ARMC2: variants seen among roughly 807,000 people sequenced by gnomAD.
The protein encoded by ARMC2 is armadillo repeat containing 2, also known as armadillo repeat-containing protein 2.
ARMC2 carries 67 observed loss-of-function variants against 90.3 expected under a neutral mutation model. That is an observed-to-expected ratio of 0.74 (90% CI 0.61 to 0.91). The LOEUF (loss-of-function observed/expected upper bound fraction) is 0.91, where lower values mean the gene tolerates loss of function less well. Among genes scored for constraint, ARMC2 ranks in the 40% least tolerant of loss-of-function variants. ARMC2 has a pLI of 0.00. For missense variants in ARMC2, 920 were observed against 1,030.9 expected, an observed-to-expected ratio of 0.89 and a Z score of 1.47; for synonymous variants, 393 against 393.0, an observed-to-expected ratio of 1.00 and a Z score of 0.00.
At chr6:109,000,408 T>G in the ARMC2 span, 1 of 1,101,430 alleles carries the variant, frequency 9.1e-7, no homozygotes. Context: ...CTCTCTGTAC[T>G]TTCTGTGCGA....
At chr6:108,938,180 A>G (rs753918121) in intron 12 of ARMC2, among the ~76,000 whole-genome samples, 3 of 152,154 alleles carry the variant, frequency 2.0e-5, no homozygotes, top group Non-Finnish European at 2.9e-5. Flanking sequence ...TTGCGAGTTT[A>G]TGGACCAAAT....
chr6:108,873,729 G>A (rs1776665005), intron 4 of ARMC2, among the ~76,000 whole-genome samples: 1 of 152,124 alleles, frequency 6.6e-6, no homozygotes, highest in Non-Finnish European at 1.5e-5. Flanking sequence ...TTTTCTTCAA[G>A]CTGTTTACGT....
intron 13 of ARMC2, among the ~76,000 whole-genome samples, chr6:108,956,005 G>T (rs1777553680): frequency 6.6e-6 from 1 of 152,082 alleles, no homozygotes; most frequent in African/African-American, 2.4e-5. Context: ...TGCCTCCTTT[G>T]CCCCCAGGTG....
chr6:108,976,066 A>G (rs996307713), downstream of ARMC2, among the ~76,000 whole-genome samples: 9 of 152,144 alleles, frequency 5.9e-5, no homozygotes, highest in Non-Finnish European at 8.8e-5. Context: ...TTAGTCATGA[A>G]GTCTTTGCCC....
chr6:108,886,802 G>T (rs117028986), intron 5 of ARMC2, among the ~76,000 whole-genome samples: 1 of 152,156 alleles, frequency 6.6e-6, no homozygotes, highest in Non-Finnish European at 1.5e-5. Flanking sequence ...TAGGGAAAAA[G>T]CTTGCTGACC....
the ARMC2 span, among the ~76,000 whole-genome samples, chr6:109,015,777 C>A: frequency 5.8e-3 from 888 of 152,172 alleles, 7 homozygotes; most frequent in African/African-American, 0.02. Context: ...AAAAAGGCAA[C>A]AAAAGATACT....
chr6:108,938,989 TG>T (rs1289217394), intron 12 of ARMC2, among the ~76,000 whole-genome samples: 3 of 152,142 alleles, frequency 2.0e-5, no homozygotes, highest in Non-Finnish European at 2.9e-5. Flanking sequence ...AGTTTTTTTT[TG>T]TTTTTTAAAA....
intron 4 of ARMC2, among the ~76,000 whole-genome samples, 198 bp downstream of exon 4, chr6:108,869,193 T>C (rs1776134429): frequency 1.3e-5 from 2 of 152,210 alleles, no homozygotes; most frequent in Non-Finnish European, 2.9e-5. Flanking sequence ...ACCTAAATAT[T>C]ACAGTTGGTA....
the ARMC2 span, among the ~76,000 whole-genome samples, chr6:109,052,344 G>A: frequency 6.6e-6 from 1 of 152,076 alleles, no homozygotes; most frequent in Non-Finnish European, 1.5e-5. Flanking sequence ...TACTGTAAAA[G>A]TGAAGACTAT....
chr6:108,935,710 T>C (rs1233685796), intron 11 of ARMC2, among the ~76,000 whole-genome samples: 2 of 152,194 alleles, frequency 1.3e-5, no homozygotes, highest in African/African-American at 2.4e-5. Context: ...CCCAAAGTGC[T>C]GGGGTTACAG....
At chr6:108,936,762 A>T in intron 11 of ARMC2, 138 bp from the exon 12 acceptor site, 1 of 694,474 alleles carries the variant, frequency 1.4e-6, no homozygotes, top group Non-Finnish European at 2.4e-6. Context: ...CTCTGAACTG[A>T]TGTGTAGAGT....
At chr6:109,012,787 G>A in the ARMC2 span, among the ~76,000 whole-genome samples, 5 of 152,088 alleles carry the variant, frequency 3.3e-5, no homozygotes, top group African/African-American at 1.2e-4. Flanking sequence ...CTGGAAAAGA[G>A]GGTAAGGAGA....
At chr6:108,950,394 T>C (rs1343332820) in intron 12 of ARMC2, among the ~76,000 whole-genome samples, 1 of 152,174 alleles carries the variant, frequency 6.6e-6, no homozygotes, top group Non-Finnish European at 1.5e-5. Context: ...CAATGGTGGA[T>C]TGGATAAAGA....
intron 11 of ARMC2, among the ~76,000 whole-genome samples, chr6:108,929,640 C>T (rs1462669718): frequency 1.3e-5 from 2 of 152,076 alleles, no homozygotes; most frequent in African/African-American, 4.8e-5. Context: ...CCAACATGCT[C>T]AGCTAATTTT....
chr6:108,920,911 G>A (rs1774494483), intron 10 of ARMC2, among the ~76,000 whole-genome samples: 1 of 152,262 alleles, frequency 6.6e-6, no homozygotes, highest in East Asian at 1.9e-4. Flanking sequence ...GGAAGTGAGG[G>A]CGGTGGATGG....
intron 5 of ARMC2, among the ~76,000 whole-genome samples, chr6:108,880,510 T>TA (rs1777418465): frequency 6.6e-6 from 1 of 152,166 alleles, no homozygotes; most frequent in Non-Finnish European, 1.5e-5. Flanking sequence ...TTCACAGCCT[T>TA]ATGGAGAGAG....
At chr6:108,962,631 T>G (rs1171815299) in intron 15 of ARMC2, among the ~76,000 whole-genome samples, 1 of 152,228 alleles carries the variant, frequency 6.6e-6, no homozygotes, top group Non-Finnish European at 1.5e-5. Context: ...GCTTCTGCAT[T>G]GGTATTGCTT....
chr6:108,895,799 A>G (rs1204775341), intron 6 of ARMC2, among the ~76,000 whole-genome samples: 1 of 152,232 alleles, frequency 6.6e-6, no homozygotes, highest in African/African-American at 2.4e-5. Context: ...GTGTAGTCAT[A>G]GTAACCAGTG....
intron 8 of ARMC2, chr6:108,907,732 C>T (rs1290235274): frequency 2.5e-6 from 4 of 1,610,244 alleles, no homozygotes; most frequent in East Asian, 4.5e-5. Context: ...CATTGATGTA[C>T]TTGTAGTACC....
Sources: allele counts gnomAD v4.1 joint callset (sites outside exome capture counted in the v4.1 genomes callset), GRCh38; gene constraint gnomAD v4.1.1; transcripts MANE v1.5; gene names NCBI Gene and HGNC (gene_info 2026-07-23, HGNC 2026-07-21).